The following OSBPL5 variants were observed in gnomAD, a reference collection of about 807,000 sequenced individuals.
OSBPL5 encodes the protein oxysterol-binding protein-related protein 5.
OSBPL5 carries 71 observed loss-of-function variants against 111.2 expected under a neutral mutation model. That is an observed-to-expected ratio of 0.64 (90% CI 0.53 to 0.78). The LOEUF (loss-of-function observed/expected upper bound fraction) is 0.78. Ranked by LOEUF, OSBPL5 falls within the 30% of genes least tolerant of loss-of-function variation. The probability of loss-of-function intolerance (pLI) is 0.00; values close to 1 mark genes in which losing one functional copy is unlikely to be tolerated. For synonymous variants in OSBPL5, 549 were observed against 513.9 expected, an observed-to-expected ratio of 1.07 and a Z score of -0.93; for missense variants, 1,210 against 1,189.3, an observed-to-expected ratio of 1.02 and a Z score of -0.26.
intron 14 of OSBPL5, among the ~76,000 whole-genome samples, chr11:3,097,121 G>GAAAGAGGGGGAAGATGGGAGGAGGAGAGA (rs1857297563): frequency 7.9e-6 from 1 of 126,772 alleles, no homozygotes. Context: ...AGGAGGAGAG[G>GAAAGAGGGGGAAGATGGGAGGAGGAGAGA]AAAGAAGGGG....
At chr11:3,156,418 A>C (rs1451290604) in intron 1 of OSBPL5, among the ~76,000 whole-genome samples, 3 of 152,190 alleles carry the variant, frequency 2.0e-5, no homozygotes, top group Admixed American at 6.5e-5. Flanking sequence ...AGAAAGAAGG[A>C]TGTGAGCGGA....
In OSBPL5 at chr11:3,121,691, C is replaced by A. The variant is rs1222548550; in HGVS notation, c.402+306G>T. 5.0e-6 allele frequency: 2 copies of A among 403,420 alleles called. No individual in the cohort carries two copies. Among genetic ancestry groups the A allele is most frequent in the African/African-American group, 4.1e-5 (2 of 49,074 alleles). The allele number at this position is 403,420 out of a possible 1,614,324, so 25.0% of individuals were successfully genotyped here. ...CAGAGCAATGTCTCCCTCCCCAGCG[C>A]CCTCCGCCCACTGGCCAGGCCCCAC... On this transcript the variant is annotated intron_variant, in intron 5 of 21. Transcript: ENST00000263650. This position sits in a 1 kb window ranked among gnomAD's most constrained non-coding sequence, Gnocchi z 4.3.
intron 3 of OSBPL5, 45 bp from the exon 4 acceptor site, chr11:3,122,473 C>T (rs1858456516): frequency 1.3e-5 from 21 of 1,587,342 alleles, no homozygotes; most frequent in Non-Finnish European, 1.8e-5. Context: ...CAGGGGCCGG[C>T]CCAGGGCTAG....
At position 3,112,074 on chromosome 11, in the gene OSBPL5, C is replaced by CATGTGTGTGT. The variant is rs1858000157; in HGVS notation, c.692-4139_692-4130dup. Among the ~76,000 whole-genome samples, 15 of 38,330 alleles carry CATGTGTGTGT rather than the reference C, an allele frequency of 3.9e-4. 1 individual carries two copies. Among genetic ancestry groups the CATGTGTGTGT allele is most frequent in the South Asian group, 2.1e-3 (2 of 966 alleles). The allele number at this position is 38,330 out of a possible 152,430, so 25.1% of individuals were successfully genotyped here. A position where few individuals can be genotyped will look rare whatever the true frequency, so the allele number is the denominator to read the frequency against. On this transcript the variant is annotated intron_variant, in intron 7 of 21. Coordinates refer to ENST00000263650, the MANE Select transcript of OSBPL5 (RefSeq NM_020896.4). Reference sequence around the variant, plus strand: ...GTGTGTGCATGTGTATGTGTGTGTGCATGTGTGTGTGCATGTGTGTGTGCA... The same window carrying CATGTGTGTGT: ...GTGTGTGCATGTGTATGTGTGTGTGCATGTGTGTGTATGTGTGTGTGCATGTGTGTGTGCA...
chr11:3,150,920 C>T (rs907047561), intron 1 of OSBPL5, among the ~76,000 whole-genome samples: 2 of 152,168 alleles, frequency 1.3e-5, no homozygotes, highest in Non-Finnish European at 2.9e-5. Context: ...GCGGGCTGCC[C>T]GCTGTGGCCA....
chr11:3,121,812 A>T lies in OSBPL5; in HGVS notation c.402+185T>A. 1.6e-6 allele frequency: 1 copy of T among 608,002 alleles called. No homozygotes were observed. Among genetic ancestry groups the T allele is most frequent in the East Asian group, 2.8e-5 (1 of 35,958 alleles). The allele number at this position is 608,002 out of a possible 1,614,324, so 37.7% of individuals were successfully genotyped here. A position where few individuals can be genotyped will look rare whatever the true frequency, so the allele number is the denominator to read the frequency against. On this transcript the variant is annotated intron_variant, in intron 5 of 21. Transcript: ENST00000263650. This position sits in a 1 kb window ranked among gnomAD's most constrained non-coding sequence, Gnocchi z 4.3. ...TAATTCCTACCACTGGTGTCCTTAT[A>T]AAAAGGGGGAGAGACAGGTGGATAA... is the stretch of plus-strand genomic sequence containing the variant.
At chr11:3,103,352 C>A (rs1401182164) in intron 10 of OSBPL5, 32 bp from the exon 11 acceptor site, 3 of 1,568,618 alleles carry the variant, frequency 1.9e-6, no homozygotes, top group East Asian at 2.3e-5. Context: ...CTGACCCCAG[C>A]TCCGGGGGCC....
intron 14 of OSBPL5, among the ~76,000 whole-genome samples, chr11:3,097,016 G>A (rs1381101118): frequency 2.2e-4 from 30 of 138,852 alleles, no homozygotes; most frequent in Non-Finnish European, 2.8e-4. Flanking sequence ...GGGGGAAGAC[G>A]GGAGGGGGAG....
At chr11:3,131,761 C>CCCAGG (rs1845798946) in intron 1 of OSBPL5, among the ~76,000 whole-genome samples, 6 of 95,662 alleles carry the variant, frequency 6.3e-5, no homozygotes, top group Admixed American at 4.9e-4. Context: ...CATCCATCCA[C>CCCAGG]CATCTTCCCA....
chr11:3,101,017 C>T (rs1271995232), intron 13 of OSBPL5, among the ~76,000 whole-genome samples: 2 of 149,570 alleles, frequency 1.3e-5, no homozygotes, highest in East Asian at 3.9e-4. Flanking sequence ...CCCTGTCGTC[C>T]AGGCTGGAGT....
chr11:3,102,280 C>G lies in OSBPL5; in HGVS notation c.1328G>C (p.Gly443Ala), dbSNP rs1486104552. ...YLSGFYKKPK[G>A]IKKPYNPILG... ...GATGGGGTTGTACGGCTTCTTGATT[C>G]CCTGCAGACAACAGAGACTTGTGTG... The change falls in exon 12 of 22, where the codon GGA becomes GCA. Residue 443 changes from glycine (G) to alanine (A), a missense_variant and splice_region_variant. Transcript: ENST00000263650. 2 of 1,593,240 alleles carry G rather than the reference C, an allele frequency of 1.3e-6. No individual in the cohort carries two copies. Among genetic ancestry groups the G allele is most frequent in the African/African-American group, 2.7e-5 (2 of 74,726 alleles).
intron 1 of OSBPL5, among the ~76,000 whole-genome samples, chr11:3,139,307 G>T (rs892335808): frequency 5.2e-4 from 79 of 152,296 alleles, no homozygotes; most frequent in African/African-American, 1.9e-3. Flanking sequence ...CGGGGCTGGG[G>T]CCGTGGCCAA....
In OSBPL5 at chr11:3,130,657, G is replaced by T. The variant is rs1858793815; in HGVS notation, c.-21-1488C>A. Among the ~76,000 whole-genome samples, 1 of 152,216 alleles carries T rather than the reference G, an allele frequency of 6.6e-6. No homozygotes were observed. The highest frequency in any genetic ancestry group is 2.1e-4 in the South Asian group (1 of 4,828). ...ACACAGGGCAGCTGGCTTCAGAGAG[G>T]CTGGCGTTTTGGCCCAGGTCACAGA... is the stretch of plus-strand genomic sequence containing the variant. On this transcript the variant is annotated intron_variant, in intron 1 of 21. Coordinates refer to ENST00000263650, the MANE Select transcript of OSBPL5 (RefSeq NM_020896.4). The surrounding 1 kb of genome is among the most constrained non-coding windows in gnomAD (Gnocchi z 4.5).
chr11:3,096,525 A>G (rs1417568642), intron 14 of OSBPL5, among the ~76,000 whole-genome samples: 4 of 151,710 alleles, frequency 2.6e-5, no homozygotes, highest in African/African-American at 9.7e-5. Flanking sequence ...AGGCTGAGGC[A>G]GGAGAATCGT....
Position 3,107,689 on chromosome 11 carries a change from T to A in OSBPL5, c.866+82A>T. The A allele has an allele frequency of 1.3e-6, 2 of 1,545,442 alleles. No homozygotes were observed. The highest frequency in any genetic ancestry group is 1.8e-6 in the Non-Finnish European group (2 of 1,137,426). On this transcript the variant is annotated intron_variant, in intron 8 of 21. Transcript: ENST00000263650. This position sits in a 1 kb window ranked among gnomAD's most constrained non-coding sequence, Gnocchi z 6.1. The stretch of plus-strand genomic sequence containing the variant: ...GCCTGCAGCCCACCAGAGCAGTGGC[T>A]GGGGCTGTCCTCTCCCCTCTTCCTC...
intron 12 of OSBPL5, 135 bp from the exon 13 acceptor site, chr11:3,101,834 G>T: frequency 1.3e-6 from 1 of 757,912 alleles, no homozygotes; most frequent in East Asian, 2.7e-5. Flanking sequence ...GATTCGGGTA[G>T]GGGCCTTCCT....
chr11:3,129,985 C>G (rs566598155), intron 1 of OSBPL5, among the ~76,000 whole-genome samples: 2 of 152,344 alleles, frequency 1.3e-5, no homozygotes, highest in East Asian at 3.9e-4. Context: ...TTCTTGTTTC[C>G]TCCCCTGGAA....
rs1857135901 is a variant in OSBPL5 at position 3,093,468 on chromosome 11, G to A, written c.1946+59C>T. On this transcript the variant is annotated intron_variant, in intron 17 of 21. Transcript: ENST00000263650. ...CACAGCACTGTAGCCCTGCTGACCT[G>A]CCTGCTTGGCCATGTCAGGCTGTGG... is the stretch of plus-strand genomic sequence containing the variant. 3.8e-6 allele frequency: 6 copies of A among 1,584,680 alleles called. No homozygotes were observed. The Admixed American group carries it at 8.4e-5, about 22-fold the overall frequency.
At chr11:3,117,193 G>A (rs910771825) in intron 7 of OSBPL5, among the ~76,000 whole-genome samples, 1 of 152,102 alleles carries the variant, frequency 6.6e-6, no homozygotes, top group Non-Finnish European at 1.5e-5. Flanking sequence ...TTTCCTTTAA[G>A]GACTCAAACT....
Sources: gnomAD v4.1 joint callset for allele counts (sites outside exome capture counted in the v4.1 genomes callset) on GRCh38, gnomAD v4.1.1 for gene constraint, Gnocchi (gnomAD v3.1) non-coding constraint, MANE v1.5 for transcripts, NCBI Gene and HGNC (gene_info 2026-07-23, HGNC 2026-07-21) for gene names.